GPC5: variants seen among roughly 807,000 people sequenced by gnomAD.
The protein encoded by GPC5 is glypican-5.
GPC5 carries 47 observed loss-of-function variants against 53.9 expected under a neutral mutation model. That is an observed-to-expected ratio of 0.87 (90% CI 0.69 to 1.11). The LOEUF is 1.11. GPC5 is among the 50% of genes most tolerant of loss of function. The pLI, the probability that GPC5 is intolerant of heterozygous loss-of-function variation, is 0.00. For missense variants in GPC5, 748 were observed against 713.1 expected, an observed-to-expected ratio of 1.05 and a Z score of -0.56; for synonymous variants, 286 against 263.3, an observed-to-expected ratio of 1.09 and a Z score of -0.84.
intron 7 of GPC5, among the ~76,000 whole-genome samples, chr13:92,189,492 G>A (rs1459022208): frequency 2.6e-5 from 4 of 152,076 alleles, no homozygotes; most frequent in African/African-American, 7.2e-5. Flanking sequence ...ATATTAGACT[G>A]TAGAACAATT....
chr13:91,638,752 G>C (rs538146637), intron 2 of GPC5, among the ~76,000 whole-genome samples: 22 of 151,990 alleles, frequency 1.4e-4, no homozygotes, highest in Non-Finnish European at 2.8e-4. Context: ...TTTTAAACAA[G>C]GACACATTTT....
intron 7 of GPC5, among the ~76,000 whole-genome samples, chr13:92,845,497 CA>C (rs763367841): frequency 2.0e-5 from 3 of 152,162 alleles, no homozygotes; most frequent in Admixed American, 6.5e-5. Flanking sequence ...CTCTCTTGCT[CA>C]AGAGTCAGCC....
At chr13:92,108,333 G>A (rs886393353) in intron 6 of GPC5, among the ~76,000 whole-genome samples, 9 of 152,012 alleles carry the variant, frequency 5.9e-5, no homozygotes, top group African/African-American at 7.3e-5. Context: ...CACATGTATC[G>A]ACAGTAATTT....
chr13:92,145,676 T>C (rs929787842), intron 7 of GPC5, among the ~76,000 whole-genome samples: 1 of 152,166 alleles, frequency 6.6e-6, no homozygotes, highest in Non-Finnish European at 1.5e-5. Context: ...ATGCATTTGT[T>C]CATATGGGCA....
chr13:92,358,941 T>C (rs1306393205), intron 7 of GPC5, among the ~76,000 whole-genome samples: 2 of 151,766 alleles, frequency 1.3e-5, no homozygotes, highest in Non-Finnish European at 1.5e-5. Context: ...AACATTTGGC[T>C]CCTCTTTACT....
chr13:92,368,153 T>C (rs975953243), intron 7 of GPC5, among the ~76,000 whole-genome samples: 3 of 151,766 alleles, frequency 2.0e-5, no homozygotes, highest in African/African-American at 7.3e-5. Flanking sequence ...CCTGGCTAAT[T>C]TTTGTATTTT....
chr13:91,439,942 C>G (rs1334752047), intron 1 of GPC5, among the ~76,000 whole-genome samples: 1 of 152,200 alleles, frequency 6.6e-6, no homozygotes, highest in African/African-American at 2.4e-5. Flanking sequence ...AATTCTTCTA[C>G]AAGGCCCCAT....
At chr13:92,354,051 T>G (rs11839127) in intron 7 of GPC5, among the ~76,000 whole-genome samples, 4 of 152,170 alleles carry the variant, frequency 2.6e-5, no homozygotes, top group Non-Finnish European at 5.9e-5. Context: ...ACTTTTTCCA[T>G]GCATTCTATT....
At chr13:91,974,932 A>G (rs1158858577) in intron 6 of GPC5, among the ~76,000 whole-genome samples, 2 of 152,200 alleles carry the variant, frequency 1.3e-5, no homozygotes, top group African/African-American at 4.8e-5. Context: ...ATATAGATCA[A>G]TGGAACAGAA....
At chr13:91,534,789 GTTTGT>G (rs1555320540) in intron 2 of GPC5, among the ~76,000 whole-genome samples, 5 of 151,892 alleles carry the variant, frequency 3.3e-5, no homozygotes, top group Non-Finnish European at 1.5e-5. Context: ...TTGTTTGTTT[GTTTGT>G]TTTGTTTTGT....
chr13:91,986,105 G>T (rs942845628), intron 6 of GPC5, among the ~76,000 whole-genome samples: 2 of 117,572 alleles, frequency 1.7e-5, no homozygotes, highest in Non-Finnish European at 3.2e-5. Context: ...TTGCTGTGTC[G>T]CCCAGGCTGG....
intron 6 of GPC5, among the ~76,000 whole-genome samples, chr13:92,070,137 G>A (rs1199435663): frequency 6.6e-6 from 1 of 152,170 alleles, no homozygotes; most frequent in Non-Finnish European, 1.5e-5. Flanking sequence ...AATAAAGCAT[G>A]AGAAGGAACA....
chr13:92,417,074 C>G (rs904245957), intron 7 of GPC5, among the ~76,000 whole-genome samples: 2 of 152,114 alleles, frequency 1.3e-5, no homozygotes, highest in Admixed American at 6.5e-5. Context: ...TAAGTCACGC[C>G]GTTGTAAGTC....
chr13:92,560,857 ATGTGTGTG>A (rs34114433), intron 7 of GPC5, among the ~76,000 whole-genome samples: 148 of 139,252 alleles, frequency 1.1e-3, no homozygotes, highest in African/African-American at 1.9e-3. Flanking sequence ...AGAAAATTAT[ATGTGTGTG>A]TGTGTGTGTG....
intron 6 of GPC5, among the ~76,000 whole-genome samples, chr13:91,957,187 T>C (rs961049845): frequency 6.6e-6 from 1 of 151,986 alleles, no homozygotes; most frequent in African/African-American, 2.4e-5. Context: ...ATTTAAAAAG[T>C]ACATTTGAAA....
chr13:92,676,795 C>G (rs1270404194), intron 7 of GPC5, among the ~76,000 whole-genome samples: 1 of 151,964 alleles, frequency 6.6e-6, no homozygotes, highest in Non-Finnish European at 1.5e-5. Context: ...ATTAAGAGTA[C>G]CGAACATGGT....
chr13:91,506,510 T>C (rs1884952189), intron 2 of GPC5, among the ~76,000 whole-genome samples: 1 of 152,088 alleles, frequency 6.6e-6, no homozygotes, highest in Non-Finnish European at 1.5e-5. Flanking sequence ...TATTACAAAA[T>C]TGCATAAAAT....
chr13:91,753,591 C>G (rs867433186), intron 4 of GPC5, among the ~76,000 whole-genome samples: 3 of 152,152 alleles, frequency 2.0e-5, no homozygotes, highest in Non-Finnish European at 4.4e-5. Flanking sequence ...GATGATAACA[C>G]CTGCTTGCTG....
intron 7 of GPC5, among the ~76,000 whole-genome samples, chr13:92,751,746 A>AAAAAAAT (rs58566475): frequency 0.33 from 50,580 of 151,090 alleles, 9,809 homozygotes; most frequent in East Asian, 0.73. Flanking sequence ...TAAAGTATAA[A>AAAAAAAT]AAAAAATAAA....
Sources: gnomAD v4.1 joint callset for allele counts (sites outside exome capture counted in the v4.1 genomes callset) on GRCh38, gnomAD v4.1.1 for gene constraint, MANE v1.5 for transcripts, NCBI Gene and HGNC (gene_info 2026-07-23, HGNC 2026-07-21) for gene names.